The following DOCK4 variants were observed in gnomAD, a reference collection of about 807,000 sequenced individuals.
The protein encoded by DOCK4 is dedicator of cytokinesis 4.
Under a neutral mutation model 268.1 loss-of-function variants are expected in DOCK4, and 97 were observed. That is an observed-to-expected ratio of 0.36 (90% confidence interval 0.31 to 0.43). The LOEUF is 0.43. Ranked by LOEUF, DOCK4 falls within the 20% of genes least tolerant of loss-of-function variation. DOCK4 has a pLI of 1.00. For synonymous variants in DOCK4, 954 were observed against 887.2 expected (o/e 1.08, Z -1.34); for missense variants, 2,145 against 2,455.7 (o/e 0.87, Z 2.67).
rs796762629 is a variant in DOCK4 at position 112,018,162 on chromosome 7, A to C, written c.38-14031T>G. Among the ~76,000 whole-genome samples, 36 of 140,234 alleles carry C rather than the reference A, an allele frequency of 2.6e-4. 1 individual carries two copies. Among genetic ancestry groups the C allele is most frequent in the African/African-American group, 8.5e-4 (31 of 36,638 alleles). The allele number at this position is 140,234 out of a possible 152,430, so 92.0% of individuals were successfully genotyped here. On this transcript the variant is annotated intron_variant, in intron 1 of 52. Coordinates refer to ENST00000428084, the MANE Select transcript of DOCK4 (RefSeq NM_001363540.2). ...CCAGCTCAAAAAAAAAAAAAAAAAA[A>C]AAAAAAAAAAAAAAAAAACACAGGC...
At chr7:112,038,415 G>A (rs996352229) in intron 1 of DOCK4, among the ~76,000 whole-genome samples, 1 of 152,172 alleles carries the variant, frequency 6.6e-6, no homozygotes, top group African/African-American at 2.4e-5. Context: ...CTCTATTTTG[G>A]AGACTTTTGA....
At chr7:111,962,066 A>C (rs977068851) in intron 8 of DOCK4, among the ~76,000 whole-genome samples, 1 of 151,988 alleles carries the variant, frequency 6.6e-6, no homozygotes, top group Non-Finnish European at 1.5e-5. Context: ...ATTTTGTCAT[A>C]TTTTCTCCTT....
Position 111,767,862 on chromosome 7 carries a change from G to T in DOCK4, c.3829-744C>A, listed in dbSNP as rs539490655. 1.5e-4 allele frequency among the ~76,000 whole-genome samples: 23 copies of T among 152,014 alleles called. No individual in the cohort carries two copies. In the East Asian group the frequency reaches 2.9e-3, roughly 19 times the overall value. On this transcript the variant is annotated intron_variant, in intron 37 of 52. Coordinates refer to ENST00000428084, the MANE Select transcript of DOCK4 (RefSeq NM_001363540.2). The stretch of plus-strand genomic sequence containing the variant: ...AATTGTGAGAGGTCTAACCAAGTTG[G>T]TTACTCTCAGCAGAAATGTAAAAAT...
At chr7:112,127,451 C>T (rs1206418992) in intron 1 of DOCK4, among the ~76,000 whole-genome samples, 1 of 147,774 alleles carries the variant, frequency 6.8e-6, no homozygotes, top group Non-Finnish European at 1.5e-5. Context: ...AGGAGATATA[C>T]CTAATGCTAA....
chr7:112,122,271 C>G (rs1812800497), intron 1 of DOCK4, among the ~76,000 whole-genome samples: 1 of 152,064 alleles, frequency 6.6e-6, no homozygotes, highest in African/African-American at 2.4e-5. Flanking sequence ...TAAAAGAGAT[C>G]TCCAGAACAT....
At chr7:111,760,439 C>T (rs760923808) in intron 39 of DOCK4, 117 bp from the exon 40 acceptor site, 2 of 1,078,532 alleles carry the variant, frequency 1.9e-6, no homozygotes, top group Non-Finnish European at 2.7e-6. Context: ...GACACTATAA[C>T]AAAAATTACG....
chr7:112,176,561 A>C (rs908562816), intron 1 of DOCK4, among the ~76,000 whole-genome samples: 1 of 152,232 alleles, frequency 6.6e-6, no homozygotes, highest in Non-Finnish European at 1.5e-5. Flanking sequence ...AAAAACTACA[A>C]GCACAATGCC....
chr7:111,889,083 A>C (rs549106633), intron 16 of DOCK4, among the ~76,000 whole-genome samples: 53 of 152,246 alleles, frequency 3.5e-4, no homozygotes, highest in African/African-American at 1.3e-3. Context: ...TCACTTAACT[A>C]TCCCTAAGTG....
chr7:111,983,849 C>CGCGCGT (rs1554402991), intron 7 of DOCK4, among the ~76,000 whole-genome samples: 43 of 77,020 alleles, frequency 5.6e-4, no homozygotes, highest in East Asian at 5.5e-3. Context: ...CACACACGCG[C>CGCGCGT]GCGCGCGCGC....
chr7:111,877,296 T>G (rs1806980737), intron 16 of DOCK4, 110 bp from the exon 17 acceptor site: 1 of 964,440 alleles, frequency 1.0e-6, no homozygotes, highest in African/African-American at 1.7e-5. Flanking sequence ...TTCCAAACAG[T>G]ATTACAAGTA....
At chr7:111,845,995 G>T (rs1403153374) in intron 24 of DOCK4, among the ~76,000 whole-genome samples, 1 of 152,120 alleles carries the variant, frequency 6.6e-6, no homozygotes, top group African/African-American at 2.4e-5. Context: ...CCTGGATCAT[G>T]GGGGTGGGAA....
At chr7:112,026,740 C>T (rs187409512) in intron 1 of DOCK4, among the ~76,000 whole-genome samples, 87 of 152,258 alleles carry the variant, frequency 5.7e-4, no homozygotes, top group Non-Finnish European at 9.8e-4. Flanking sequence ...GTCCTGTGGT[C>T]GGAACAGAGA....
chr7:112,005,630 T>C (rs1457276143), intron 1 of DOCK4, among the ~76,000 whole-genome samples: 1 of 152,206 alleles, frequency 6.6e-6, no homozygotes, highest in Non-Finnish European at 1.5e-5. Context: ...TGACAGTAGA[T>C]TGACTGCAAT....
chr7:112,084,793 T>C (rs375432566), intron 1 of DOCK4, among the ~76,000 whole-genome samples: 9 of 152,260 alleles, frequency 5.9e-5, no homozygotes, highest in African/African-American at 2.2e-4. Flanking sequence ...GTTACCATTG[T>C]TATGCTACCA....
chr7:111,949,800 T>C (rs571085688), intron 8 of DOCK4, among the ~76,000 whole-genome samples: 2 of 152,314 alleles, frequency 1.3e-5, no homozygotes, highest in South Asian at 4.1e-4. Flanking sequence ...AAAAGACCTA[T>C]ATTAACGTAT....
chr7:112,028,293 G>A (rs988853601), intron 1 of DOCK4, among the ~76,000 whole-genome samples: 5 of 152,070 alleles, frequency 3.3e-5, no homozygotes, highest in Non-Finnish European at 5.9e-5. Flanking sequence ...GAATCTAATC[G>A]GTAAAAGCAA....
intron 17 of DOCK4, among the ~76,000 whole-genome samples, chr7:111,876,818 A>C (rs1806929163): frequency 6.6e-6 from 1 of 151,036 alleles, no homozygotes; most frequent in Non-Finnish European, 1.5e-5. Flanking sequence ...TTGTTTTTCA[A>C]TACTGGGATA....
At position 111,962,156 on chromosome 7, in the gene DOCK4, T is replaced by C. The variant is rs571864357; in HGVS notation, c.701+14976A>G. On this transcript the variant is annotated intron_variant, in intron 8 of 52. Transcript: ENST00000428084. ...ACACCTCTGATTCCATTTTACCTTTTACTAGTAGGTCTCTCTAAATATTAC... is the reference window on the plus strand; with the variant it reads ...ACACCTCTGATTCCATTTTACCTTTCACTAGTAGGTCTCTCTAAATATTAC... 1.6e-4 allele frequency among the ~76,000 whole-genome samples: 24 copies of C among 152,324 alleles called. No individual in the cohort carries two copies. The South Asian group carries it at 4.4e-3, about 28-fold the overall frequency.
At chr7:112,078,803 A>G (rs1387111581) in intron 1 of DOCK4, among the ~76,000 whole-genome samples, 1 of 152,154 alleles carries the variant, frequency 6.6e-6, no homozygotes, top group Non-Finnish European at 1.5e-5. Context: ...AACATAGACC[A>G]GTACTGCCTT....
Sources: gnomAD v4.1 joint callset for allele counts (sites outside exome capture counted in the v4.1 genomes callset) on GRCh38, gnomAD v4.1.1 for gene constraint, MANE v1.5 for transcripts, NCBI Gene and HGNC (gene_info 2026-07-23, HGNC 2026-07-21) for gene names.